Variants in SDK1 observed in about 807,000 individuals in gnomAD.
The protein encoded by SDK1 is protein sidekick-1.
Under a neutral mutation model 245.5 loss-of-function variants are expected in SDK1, and 157 were observed. That is an observed-to-expected ratio of 0.64 (90% CI 0.56 to 0.73). The LOEUF is 0.73. Among genes scored for constraint, SDK1 ranks in the 30% least tolerant of loss-of-function variants. The pLI is 0.00. For synonymous variants in SDK1, 1,647 were observed against 1,278.5 expected (o/e 1.29, Z -6.15); for missense variants, 3,583 against 3,002.3 (o/e 1.19, Z -4.52).
At chr7:3,431,416 T>C (rs1779844366) in intron 1 of SDK1, among the ~76,000 whole-genome samples, 1 of 147,166 alleles carries the variant, frequency 6.8e-6, no homozygotes, top group Non-Finnish European at 1.5e-5. Flanking sequence ...AGAATCCTAA[T>C]AGCCTGCTGA....
At chr7:4,110,109 T>G (rs747132461) in intron 22 of SDK1, among the ~76,000 whole-genome samples, 2 of 152,136 alleles carry the variant, frequency 1.3e-5, no homozygotes, top group Non-Finnish European at 2.9e-5. Context: ...CCGATCTGGC[T>G]TCCAGGGCAG....
chr7:4,107,687 GC>G (rs1187189135), intron 22 of SDK1, among the ~76,000 whole-genome samples: 14 of 152,044 alleles, frequency 9.2e-5, no homozygotes, highest in African/African-American at 2.9e-4. Flanking sequence ...AAAATGTGGG[GC>G]TTGGTCCTCC....
chr7:4,248,462 TAC>T (rs1463380328), intron 44 of SDK1, among the ~76,000 whole-genome samples: 4 of 149,334 alleles, frequency 2.7e-5, no homozygotes, highest in Admixed American at 6.6e-5. Context: ...CACACATGCA[TAC>T]ACACGTGCTT....
At chr7:3,793,811 T>TG (rs1778884128) in intron 4 of SDK1, among the ~76,000 whole-genome samples, 1 of 147,608 alleles carries the variant, frequency 6.8e-6, no homozygotes, top group African/African-American at 2.5e-5. Flanking sequence ...TATGCAGGGG[T>TG]GGGGGTGGAG....
intron 1 of SDK1, among the ~76,000 whole-genome samples, chr7:3,544,088 C>G (rs1478273044): frequency 1.3e-5 from 2 of 152,098 alleles, no homozygotes; most frequent in Non-Finnish European, 2.9e-5. Context: ...GACTAAAGGC[C>G]TTTCTCCTTA....
Position 3,938,353 on chromosome 7 carries a change from A to G in SDK1, c.848-12570A>G, listed in dbSNP as rs546404244. 3.3e-5 allele frequency among the ~76,000 whole-genome samples: 5 copies of G among 152,266 alleles called. No homozygotes were observed. In the South Asian group the frequency reaches 1.0e-3, roughly 32 times the overall value. The stretch of plus-strand genomic sequence containing the variant: ...GCATTTATGTGTTTGGATAGAAATT[A>G]GATCCTCAGCCTGGCACGGTGGCTC... On this transcript the variant is annotated intron_variant, in intron 5 of 44. Coordinates refer to ENST00000404826, the MANE Select transcript of SDK1 (RefSeq NM_152744.4).
intron 12 of SDK1, among the ~76,000 whole-genome samples, chr7:3,973,208 G>C (rs1040867360): frequency 6.6e-6 from 1 of 152,148 alleles, no homozygotes; most frequent in East Asian, 1.9e-4. Context: ...GCGATGCCCC[G>C]GCGTGAGCAG....
intron 35 of SDK1, among the ~76,000 whole-genome samples, chr7:4,182,638 C>G (rs537891192): frequency 6.6e-6 from 1 of 152,146 alleles, no homozygotes; most frequent in African/African-American, 2.4e-5. Flanking sequence ...GGAGAAGGAA[C>G]CTATGGTCTC....
chr7:3,450,749 A>G (rs1443090171), intron 1 of SDK1, among the ~76,000 whole-genome samples: 4 of 152,174 alleles, frequency 2.6e-5, no homozygotes, highest in South Asian at 2.1e-4. Flanking sequence ...ATCAGTGTAT[A>G]TAGGTGGTAT....
At chr7:3,946,962 G>A (rs757680001) in intron 5 of SDK1, among the ~76,000 whole-genome samples, 17 of 152,188 alleles carry the variant, frequency 1.1e-4, no homozygotes, top group Non-Finnish European at 1.6e-4. Context: ...ATTTAACTCC[G>A]TGTCTTAACA....
At chr7:3,814,593 C>T (rs1033361231) in intron 4 of SDK1, among the ~76,000 whole-genome samples, 142 of 151,938 alleles carry the variant, frequency 9.3e-4, no homozygotes, top group East Asian at 4.4e-3. Flanking sequence ...CTTGGTGATG[C>T]GGGCTCTTTT....
chr7:4,069,323 C>T (rs1780096828), intron 20 of SDK1, among the ~76,000 whole-genome samples: 1 of 152,200 alleles, frequency 6.6e-6, no homozygotes, highest in Non-Finnish European at 1.5e-5. Flanking sequence ...TAAACATTAC[C>T]AAGGATTTCT....
At chr7:4,263,534 G>A (rs1372666150) in intron 44 of SDK1, among the ~76,000 whole-genome samples, 22 of 89,674 alleles carry the variant, frequency 2.5e-4, no homozygotes, top group South Asian at 7.0e-4. Context: ...TGGGGAGGCC[G>A]CGTAGACGCC....
intron 17 of SDK1, among the ~76,000 whole-genome samples, chr7:4,022,776 CTTT>C (rs770558246): frequency 1.4e-5 from 2 of 138,146 alleles, no homozygotes; most frequent in Non-Finnish European, 3.1e-5. Flanking sequence ...TTCTTTCTTT[CTTT>C]TTTTTTTTTT....
rs541929403 is a variant in SDK1, at chr7:3,603,397, T to C, written c.299-15683T>C. On this transcript the variant is annotated intron_variant, in intron 1 of 44. Transcript: ENST00000404826. ...TAGTTCTCCTTGAAGAGGTCCTTCA[T>C]ATCCCTTGTAAGGTGGATTCCTAGG... Among the ~76,000 whole-genome samples the C allele has an allele frequency of 6.7e-3, 1,019 of 151,422 alleles. 14 individuals carry two copies. Among genetic ancestry groups the C allele is most frequent in the African/African-American group, 0.023 (962 of 41,250 alleles).
At chr7:3,863,594 T>A (rs6462398) in intron 5 of SDK1, among the ~76,000 whole-genome samples, 126 of 152,316 alleles carry the variant, frequency 8.3e-4, no homozygotes, top group African/African-American at 2.9e-3. Flanking sequence ...ATCCTCCCTC[T>A]TCAGCATCCT....
intron 4 of SDK1, among the ~76,000 whole-genome samples, chr7:3,696,534 A>G (rs1257101781): frequency 6.6e-6 from 1 of 150,594 alleles, no homozygotes; most frequent in Non-Finnish European, 1.5e-5. Context: ...TATGTAGTCC[A>G]ACTTTCTCTT....
At chr7:3,817,733 C>T (rs534064907) in intron 4 of SDK1, among the ~76,000 whole-genome samples, 2 of 152,298 alleles carry the variant, frequency 1.3e-5, no homozygotes, top group East Asian at 1.9e-4. Flanking sequence ...CATCTCAATG[C>T]AGGTGGTCAG....
rs142111129 is a variant in SDK1 at position 3,335,819 on chromosome 7, G to T, written c.298+33935G>T. On this transcript the variant is annotated intron_variant, in intron 1 of 44. Transcript: ENST00000404826. ...GATGAAGAAATGGGAATGGGCCAGA[G>T]ATTTACTGTCTTACCAAGGTGGAGC... 4.7e-3 allele frequency among the ~76,000 whole-genome samples: 716 copies of T among 152,242 alleles called. 1 individual carries two copies. Among genetic ancestry groups the T allele is most frequent in the Non-Finnish European group, 7.3e-3 (498 of 68,030 alleles).
Sources: gnomAD v4.1 joint callset for allele counts (sites outside exome capture counted in the v4.1 genomes callset) on GRCh38, gnomAD v4.1.1 for gene constraint, MANE v1.5 for transcripts, NCBI Gene and HGNC (gene_info 2026-07-23, HGNC 2026-07-21) for gene names.